The following DNAAF9 variants were observed in gnomAD, a reference collection of about 807,000 sequenced individuals.
The protein encoded by DNAAF9 is shulin.
DNAAF9 carries 90 observed loss-of-function variants against 167.0 expected under a neutral mutation model. That is an observed-to-expected ratio of 0.54 (90% CI 0.45 to 0.64). The LOEUF (loss-of-function observed/expected upper bound fraction) is 0.64, where lower values mean the gene tolerates loss of function less well. Among genes scored for constraint, DNAAF9 ranks in the 30% least tolerant of loss-of-function variants. The pLI is 0.00. For missense variants in DNAAF9, 1,315 were observed against 1,442.2 expected, an observed-to-expected ratio of 0.91 and a Z score of 1.43; for synonymous variants, 491 against 508.8, an observed-to-expected ratio of 0.96 and a Z score of 0.47.
chr20:3,255,548 T>G (rs2068264835), intron 34 of DNAAF9, among the ~76,000 whole-genome samples: 1 of 152,106 alleles, frequency 6.6e-6, no homozygotes, highest in Non-Finnish European at 1.5e-5. Flanking sequence ...TCTTTGTAGA[T>G]TCTTATCCCT....
chr20:3,307,752 G>A (rs551438473), intron 20 of DNAAF9, among the ~76,000 whole-genome samples: 4 of 152,060 alleles, frequency 2.6e-5, no homozygotes, highest in Non-Finnish European at 4.4e-5. Context: ...ACAAAAGAGG[G>A]ATGGGCCCTC....
rs924188991 is a variant in DNAAF9 at position 3,296,689 on chromosome 20, C to T, written c.2018+172G>A. 4 of 630,016 alleles carry T rather than the reference C, an allele frequency of 6.3e-6. No homozygotes were observed. In the Admixed American group the frequency reaches 8.0e-5, roughly 13 times the overall value. 39.0% of individuals were successfully genotyped at this position (630,016 alleles called of 1,614,324 possible). On this transcript the variant is annotated intron_variant, in intron 23 of 36. Coordinates refer to ENST00000252032, the MANE Select transcript of DNAAF9 (RefSeq NM_001009984.3). The stretch of plus-strand genomic sequence containing the variant: ...AGGCACTGCACATGGCCCTCTCTTG[C>T]CTTCTATTCCCCCAAGGGCACCGGC...
chr20:3,253,646 A>G (rs2122719394), intron 36 of DNAAF9, 80 bp downstream of exon 36: 3 of 857,024 alleles, frequency 3.5e-6, no homozygotes, highest in Admixed American at 1.8e-5. Context: ...TCTGGCAGAC[A>G]ACCGCTTTGC....
intron 20 of DNAAF9, among the ~76,000 whole-genome samples, chr20:3,311,429 T>G (rs910179819): frequency 5.3e-5 from 8 of 152,162 alleles, no homozygotes; most frequent in Non-Finnish European, 1.2e-4. Flanking sequence ...AAAAATTCTT[T>G]TGTAGAAACA....
At chr20:3,372,474 T>C (rs2083523613) in intron 6 of DNAAF9, among the ~76,000 whole-genome samples, 1 of 152,266 alleles carries the variant, frequency 6.6e-6, no homozygotes, top group African/African-American at 2.4e-5. Flanking sequence ...TCCCATTTCC[T>C]AAAAACATCA....
chr20:3,362,333 G>C, intron 6 of DNAAF9: 1 of 749,156 alleles, frequency 1.3e-6, no homozygotes, highest in South Asian at 1.7e-5. Context: ...ATCTTGCACT[G>C]CTGTCGCTTG....
chr20:3,382,117 CCTAGG>C (rs1424755534), intron 2 of DNAAF9, among the ~76,000 whole-genome samples: 2 of 152,108 alleles, frequency 1.3e-5, no homozygotes, highest in Non-Finnish European at 2.9e-5. Context: ...ATATTTATTA[CCTAGG>C]TCCTGATGTC....
At chr20:3,263,909 A>G (rs2068439186) in intron 31 of DNAAF9, among the ~76,000 whole-genome samples, 1 of 152,228 alleles carries the variant, frequency 6.6e-6, no homozygotes, top group Non-Finnish European at 1.5e-5. Context: ...CACACAGTAA[A>G]TGTTCCAGCG....
intron 10 of DNAAF9, among the ~76,000 whole-genome samples, chr20:3,337,445 T>TTTG (rs999779937): frequency 8.6e-5 from 13 of 150,640 alleles, no homozygotes; most frequent in South Asian, 2.1e-4. Context: ...TTTTTGTTTT[T>TTTG]TTTTTTTTTG....
rs73616151 is a variant in DNAAF9, at chr20:3,364,940, C to CTTTT, written c.613-5351_613-5348dup. 1.4e-5 allele frequency among the ~76,000 whole-genome samples: 2 copies of CTTTT among 143,034 alleles called. 1 individual carries two copies. Among genetic ancestry groups the CTTTT allele is most frequent in the Non-Finnish European group, 3.0e-5 (2 of 66,294 alleles). The allele number at this position is 143,034 out of a possible 152,430, so 93.8% of individuals were successfully genotyped here. Reference sequence around the variant, plus strand: ...TCTCTCCCTCTCTCTCCTTCTTTTCCTTTTTTCTTTTTTTTTTTTTTGAAA... The same window carrying CTTTT: ...TCTCTCCCTCTCTCTCCTTCTTTTCCTTTTTTTTTTCTTTTTTTTTTTTTTGAAA... On this transcript the variant is annotated intron_variant, in intron 6 of 36. Coordinates refer to ENST00000252032, the MANE Select transcript of DNAAF9 (RefSeq NM_001009984.3).
chr20:3,268,250 G>A (rs2068523420), intron 30 of DNAAF9, among the ~76,000 whole-genome samples: 1 of 151,706 alleles, frequency 6.6e-6, no homozygotes, highest in Non-Finnish European at 1.5e-5. Flanking sequence ...GGCTGGGCTG[G>A]TCTTGAACTC....
intron 1 of DNAAF9, among the ~76,000 whole-genome samples, chr20:3,387,424 G>A (rs953436171): frequency 2.0e-5 from 3 of 152,146 alleles, no homozygotes; most frequent in African/African-American, 7.2e-5. Context: ...AACAAGTGGT[G>A]CTGGGAAAAC....
chr20:3,369,618 C>T (rs2083482384), intron 6 of DNAAF9, among the ~76,000 whole-genome samples: 1 of 152,118 alleles, frequency 6.6e-6, no homozygotes, highest in African/African-American at 2.4e-5. Flanking sequence ...CTCAAGTGAT[C>T]TGCCTGCCTC....
chr20:3,315,084 C>T lies in DNAAF9; in HGVS notation c.1627G>A (p.Gly543Arg). ...CTGGAATAAAGATATGCTCCTTCTC[C>T]TCCTGTTAGATAAGTGCCCAGGAAA... is the stretch of plus-strand genomic sequence containing the variant. ...ESFLGTYLTG[G>R]EGAYLYSSNL... Residue 543 changes from glycine (G) to arginine (R), a missense_variant, in exon 20 of 37, where the codon GGA becomes AGA. Physicochemically the swap from Gly to Arg is moderately radical, Grantham distance 125 (BLOSUM62 -2). Around this residue, in one of 2 missense-constraint regions of DNAAF9, gnomAD observed 981 missense variants for 1,012.5 expected, o/e 0.97. Transcript: ENST00000252032. This position sits in a 1 kb window ranked among gnomAD's most constrained non-coding sequence, Gnocchi z 4.1. The T allele has an allele frequency of 6.2e-7, 1 of 1,611,706 alleles. No individual in the cohort carries two copies. Among genetic ancestry groups the T allele is most frequent in the African/African-American group, 1.3e-5 (1 of 74,982 alleles).
intron 6 of DNAAF9, chr20:3,362,219 C>T: frequency 1.4e-6 from 2 of 1,431,498 alleles, no homozygotes; most frequent in Non-Finnish European, 2.0e-6. Flanking sequence ...TCTTCTAGAC[C>T]CCAGCTAACT....
chr20:3,337,812 C>T (rs1439484919), intron 10 of DNAAF9, among the ~76,000 whole-genome samples: 1 of 151,920 alleles, frequency 6.6e-6, no homozygotes, highest in African/African-American at 2.4e-5. Flanking sequence ...TGCTGCCACT[C>T]ACTCATCTAC....
intron 8 of DNAAF9, among the ~76,000 whole-genome samples, chr20:3,345,344 C>T (rs925832120): frequency 2.6e-5 from 4 of 152,246 alleles, no homozygotes; most frequent in East Asian, 1.9e-4. Context: ...TAAAATTTAT[C>T]GTGGGCTTAC....
intron 20 of DNAAF9, among the ~76,000 whole-genome samples, chr20:3,308,837 G>C (rs1190162246): frequency 6.6e-6 from 1 of 151,794 alleles, no homozygotes; most frequent in African/African-American, 2.4e-5. Flanking sequence ...AAATTAGCCA[G>C]GTGTGGTGCC....
chr20:3,318,368 T>A lies in DNAAF9; in HGVS notation c.1389A>T (p.Leu463Phe). The change falls in exon 17 of 37, where the codon TTA becomes TTT. Residue 463 changes from leucine (L) to phenylalanine (F), a missense_variant. This residue lies in a region of DNAAF9 where 981 missense variants were observed against 1,012.5 expected (regional missense o/e 0.97). Transcript: ENST00000252032. Reference protein sequence around the residue: ...ACMAVYDIPDLLGGNGCLGSV... With the variant: ...ACMAVYDIPDFLGGNGCLGSV... ...ATCCTAAACAACCATTGCCTCCCAGTAAGTCAGGAATGTCATAGACGGCCA... is the reference window on the plus strand; with the variant it reads ...ATCCTAAACAACCATTGCCTCCCAGAAAGTCAGGAATGTCATAGACGGCCA... The A allele has an allele frequency of 6.2e-7, 1 of 1,604,568 alleles. No individual in the cohort carries two copies. Among genetic ancestry groups the A allele is most frequent in the Non-Finnish European group, 8.5e-7 (1 of 1,171,496 alleles).
Sources: gnomAD v4.1 joint callset for allele counts (sites outside exome capture counted in the v4.1 genomes callset) on GRCh38, gnomAD v4.1.1 for gene constraint, gnomAD v4.1.1 regional missense constraint, Gnocchi (gnomAD v3.1) non-coding constraint, MANE v1.5 for transcripts, NCBI Gene and HGNC (gene_info 2026-07-23, HGNC 2026-07-21) for gene names.